XYLB: variants seen among roughly 807,000 people sequenced by gnomAD.
The protein encoded by XYLB is xylulose kinase.
In XYLB, 62 loss-of-function variants were observed where a neutral mutation model predicts 78.7. The observed-to-expected ratio is 0.79, with a 90% CI of 0.64 to 0.97. The LOEUF is 0.97. XYLB is among the 50% of genes least tolerant of loss of function. The probability of loss-of-function intolerance (pLI) is 0.00; values close to 1 mark genes in which losing one functional copy is unlikely to be tolerated. For missense variants in XYLB, 687 were observed against 676.8 expected (o/e 1.02, Z -0.17); for synonymous variants, 245 against 247.4 (o/e 0.99, Z 0.09).
intron 17 of XYLB, among the ~76,000 whole-genome samples, chr3:38,399,249 G>A (rs1708023787): frequency 6.6e-6 from 1 of 151,616 alleles, no homozygotes; most frequent in South Asian, 2.1e-4. Context: ...GGGACTACAG[G>A]CACACACCAC....
chr3:38,420,315 A>G (rs940218380), exon 18 of XYLB, among the ~76,000 whole-genome samples: 2 of 152,194 alleles, frequency 1.3e-5, no homozygotes, highest in Non-Finnish European at 2.9e-5. Flanking sequence ...TGCAATGGCT[A>G]GAATGTCTAG....
In XYLB at chr3:38,346,826, CG is replaced by C. The variant is rs1415504472; in HGVS notation, c.-41del. On this transcript the variant is annotated 5_prime_UTR_variant, in exon 1 of 19. Transcript: ENST00000207870. ...GCGCGGCGACTATCACGCCGCGTGGCGGACGGACGGACTGACGGACGCGCAG... is the reference window on the plus strand; with the variant it reads ...GCGCGGCGACTATCACGCCGCGTGGCGACGGACGGACTGACGGACGCGCAG... The C allele has an allele frequency of 1.4e-6, 2 of 1,467,718 alleles. No individual in the cohort carries two copies. The highest frequency in any genetic ancestry group is 1.8e-6 in the Non-Finnish European group (2 of 1,106,508). The allele number at this position is 1,467,718 out of a possible 1,614,324, so 90.9% of individuals were successfully genotyped here. A position where few individuals can be genotyped will look rare whatever the true frequency, so the allele number is the denominator to read the frequency against.
At chr3:38,373,267 G>C (rs1254065320) in intron 10 of XYLB, among the ~76,000 whole-genome samples, 2 of 152,048 alleles carry the variant, frequency 1.3e-5, no homozygotes, top group Non-Finnish European at 2.9e-5. Flanking sequence ...TTGGATCTCT[G>C]AAGGAAGGCC....
intron 15 of XYLB, among the ~76,000 whole-genome samples, chr3:38,391,395 A>G (rs1477304202): frequency 1.3e-5 from 2 of 152,120 alleles, no homozygotes; most frequent in Admixed American, 1.3e-4. Context: ...CCAGCTGTGT[A>G]TGCATTCCTT....
intron 17 of XYLB, among the ~76,000 whole-genome samples, chr3:38,397,864 G>C (rs1361739662): frequency 1.3e-5 from 2 of 149,816 alleles, no homozygotes; most frequent in African/African-American, 2.5e-5. Context: ...CTGTCACCAG[G>C]TTGGAGTGCA....
At chr3:38,349,041 G>A (rs1705216849) in intron 2 of XYLB, among the ~76,000 whole-genome samples, 1 of 152,230 alleles carries the variant, frequency 6.6e-6, no homozygotes, top group Non-Finnish European at 1.5e-5. Context: ...ATAAAGGAAT[G>A]TGACTCAGAC....
chr3:38,373,016 C>A (rs968410687), intron 10 of XYLB, among the ~76,000 whole-genome samples: 7 of 152,200 alleles, frequency 4.6e-5, no homozygotes, highest in African/African-American at 1.7e-4. Context: ...TGGATGAAAA[C>A]TGCCCAATGA....
In XYLB at chr3:38,346,835, G is replaced by A. The variant is rs369191716; in HGVS notation, c.-34G>A. On this transcript the variant is annotated 5_prime_UTR_variant, in exon 1 of 19. Coordinates refer to ENST00000207870, the MANE Select transcript of XYLB (RefSeq NM_005108.4). ...CTATCACGCCGCGTGGCGGACGGAC[G>A]GACTGACGGACGCGCAGCCTTACCC... 23 of 1,486,440 alleles carry A rather than the reference G, an allele frequency of 1.5e-5. No homozygotes were observed. Among genetic ancestry groups the A allele is most frequent in the East Asian group, 2.9e-5 (1 of 34,466 alleles). 92.1% of individuals were successfully genotyped at this position (1,486,440 alleles called of 1,614,324 possible). A position where few individuals can be genotyped will look rare whatever the true frequency, so the allele number is the denominator to read the frequency against.
At chr3:38,411,815 A>G (rs1286069615) in intron 18 of XYLB, among the ~76,000 whole-genome samples, 1 of 152,086 alleles carries the variant, frequency 6.6e-6, no homozygotes, top group Non-Finnish European at 1.5e-5. Flanking sequence ...CTGAACTGAG[A>G]AAACCATAAC....
intron 8 of XYLB, 85 bp downstream of exon 8, chr3:38,368,342 G>A (rs1245410018): frequency 1.6e-5 from 19 of 1,212,456 alleles, no homozygotes; most frequent in South Asian, 1.5e-4. Context: ...CACCTACCCC[G>A]AGTGGGTGCC....
At chr3:38,348,400 C>A in intron 1 of XYLB, 150 bp from the exon 2 acceptor site, 2 of 655,916 alleles carry the variant, frequency 3.0e-6, no homozygotes, top group Non-Finnish European at 5.3e-6. Context: ...TCTGTTACCA[C>A]GATTACGGTG....
the XYLB span, among the ~76,000 whole-genome samples, chr3:38,441,437 G>A: frequency 6.6e-6 from 1 of 152,202 alleles, no homozygotes; most frequent in African/African-American, 2.4e-5. Flanking sequence ...CAGTATGTAA[G>A]TTAAGGTCAG....
intron 3 of XYLB, among the ~76,000 whole-genome samples, chr3:38,361,213 TAGC>T (rs1329219967): frequency 6.6e-6 from 1 of 152,134 alleles, no homozygotes; most frequent in Non-Finnish European, 1.5e-5. Context: ...AGAATGCCTG[TAGC>T]AGGATCTGGT....
At chr3:38,452,442 T>C in the XYLB span, 1 of 152,136 alleles carries the variant, frequency 6.6e-6, no homozygotes, top group African/African-American at 2.4e-5. Flanking sequence ...AAACTTGTTT[T>C]TTTTTTGAGA....
the XYLB span, among the ~76,000 whole-genome samples, chr3:38,445,982 A>G: frequency 6.6e-6 from 1 of 152,214 alleles, no homozygotes; most frequent in African/African-American, 2.4e-5. Context: ...GCTGACCTCA[A>G]GAATGAAGTC....
At chr3:38,429,548 CCTCT>C in the XYLB span, among the ~76,000 whole-genome samples, 2 of 151,986 alleles carry the variant, frequency 1.3e-5, no homozygotes, top group African/African-American at 4.8e-5. Flanking sequence ...TCTCCTGAGG[CCTCT>C]CTCTTTTTTG....
In XYLB at chr3:38,366,869, C is replaced by CA; in HGVS notation, c.569_570insA (p.Glu191GlyfsTer8). The CA allele has an allele frequency of 6.2e-7, 1 of 1,609,878 alleles. No individual in the cohort carries two copies. The highest frequency in any genetic ancestry group is 1.7e-5 in the Admixed American group (1 of 59,928). On this transcript the variant is annotated frameshift_variant, in exon 7 of 19. Coordinates refer to ENST00000207870, the MANE Select transcript of XYLB (RefSeq NM_005108.4). LOFTEE classifies it high-confidence loss of function. The stretch of plus-strand genomic sequence containing the variant: ...CAGAACCCCGAGGCCTACTCACATA[C>CA]GGAGGTTGGTTAAATGTTCCTGTTT...
At chr3:38,359,734 C>T (rs578015137) in intron 2 of XYLB, among the ~76,000 whole-genome samples, 1 of 152,292 alleles carries the variant, frequency 6.6e-6, no homozygotes, top group Non-Finnish European at 1.5e-5. Flanking sequence ...TTTCATTTCT[C>T]TTGGCTGGAT....
downstream of XYLB, among the ~76,000 whole-genome samples, chr3:38,415,188 A>T (rs1708746880): frequency 6.6e-6 from 1 of 152,228 alleles, no homozygotes; most frequent in South Asian, 2.1e-4. Flanking sequence ...CAAGATAGCA[A>T]TGGGGCAACC....
Sources: allele counts gnomAD v4.1 joint callset (sites outside exome capture counted in the v4.1 genomes callset), GRCh38; gene constraint gnomAD v4.1.1; transcripts MANE v1.5; gene names NCBI Gene and HGNC (gene_info 2026-07-23, HGNC 2026-07-21).